FBXO25: variants seen among roughly 807,000 people sequenced by gnomAD.
FBXO25 encodes F-box only protein 25.
Under a neutral mutation model 51.9 loss-of-function variants are expected in FBXO25, and 45 were observed. That is an observed-to-expected ratio of 0.87 (90% CI 0.68 to 1.11). The LOEUF is 1.11. Among genes scored for constraint, FBXO25 ranks in the 50% most tolerant of loss-of-function variants. The pLI is 0.00. For missense variants in FBXO25, 507 were observed against 428.5 expected (o/e 1.18, Z -1.62); for synonymous variants, 199 against 151.0 (o/e 1.32, Z -2.33).
At position 468,970 on chromosome 8, in the gene FBXO25, C is replaced by T; in HGVS notation, c.*166C>T. ...AGGGGGGACTGCATGGTTGCATTTT[C>T]ATCACTGAAAGTCAGAGGCCAAGGA... On this transcript the variant is annotated 3_prime_UTR_variant, in exon 10 of 10. Transcript: ENST00000350302. 3 of 589,376 alleles carry T rather than the reference C, an allele frequency of 5.1e-6. No individual in the cohort carries two copies. Among genetic ancestry groups the T allele is most frequent in the South Asian group, 2.3e-5 (1 of 43,850 alleles). The allele number at this position is 589,376 out of a possible 1,614,324, so 36.5% of individuals were successfully genotyped here.
At chr8:432,011 T>A (rs897279695) in intron 3 of FBXO25, among the ~76,000 whole-genome samples, 41 of 152,338 alleles carry the variant, frequency 2.7e-4, no homozygotes, top group Admixed American at 9.8e-4. Context: ...TGGTTTTTTT[T>A]ATGTATATAC....
intron 5 of FBXO25, among the ~76,000 whole-genome samples, chr8:449,637 C>G (rs1455042370): frequency 6.6e-6 from 1 of 152,200 alleles, no homozygotes; most frequent in African/African-American, 2.4e-5. Context: ...ACCATTCATT[C>G]TAGCCTCTTT....
In FBXO25 at chr8:449,429, T is replaced by C. The variant is rs371823802; in HGVS notation, c.382-561T>C. Among the ~76,000 whole-genome samples the C allele has an allele frequency of 6.6e-5, 10 of 152,376 alleles. No homozygotes were observed. In the South Asian group the frequency reaches 1.2e-3, roughly 19 times the overall value. On this transcript the variant is annotated intron_variant, in intron 5 of 9. Transcript: ENST00000350302. The stretch of plus-strand genomic sequence containing the variant: ...CTGTGGCTTCCCAGAATACAAATTC[T>C]ACAATTTTGTATTTTAGTGCAATTT...
In FBXO25 at chr8:470,212, C is replaced by T. The variant is rs1446205905; in HGVS notation, c.*1408C>T. 1 of 152,114 alleles carries T rather than the reference C, an allele frequency of 6.6e-6. No homozygotes were observed. The highest frequency in any genetic ancestry group is 1.5e-5 in the Non-Finnish European group (1 of 68,032). The allele number at this position is 152,114 out of a possible 1,614,324, so 9.4% of individuals were successfully genotyped here. ...ATATTGGGGTTCCTGAGTGTCTCGC[C>T]GTTAGCATCAATAACTATGATAAGC... On this transcript the variant is annotated 3_prime_UTR_variant, in exon 10 of 10. Transcript: ENST00000350302.
chr8:472,504 C>A lies in FBXO25; in HGVS notation c.*3700C>A. The A allele has an allele frequency of 6.6e-6, 1 of 151,444 alleles. No individual in the cohort carries two copies. Among genetic ancestry groups the A allele is most frequent in the Non-Finnish European group, 1.5e-5 (1 of 67,974 alleles). 9.4% of individuals were successfully genotyped at this position (151,444 alleles called of 1,614,324 possible). ...TCCACGGGGGATTGGTTCCAAGACCCCCACCCCCACCCCACCTGCCACCCA... is the reference window on the plus strand; with the variant it reads ...TCCACGGGGGATTGGTTCCAAGACCACCACCCCCACCCCACCTGCCACCCA... On this transcript the variant is annotated 3_prime_UTR_variant, in exon 10 of 10. Coordinates refer to ENST00000350302, the MANE Select transcript of FBXO25 (RefSeq NM_183420.2).
chr8:451,123 G>C, intron 6 of FBXO25, 146 bp from the exon 7 acceptor site: 2 of 630,816 alleles, frequency 3.2e-6, no homozygotes, highest in Non-Finnish European at 5.2e-6. Flanking sequence ...CTCCTTTTTA[G>C]GGCTGAATAA....
intron 4 of FBXO25, among the ~76,000 whole-genome samples, chr8:433,620 T>G (rs1233344931): frequency 6.6e-6 from 1 of 152,216 alleles, no homozygotes; most frequent in Non-Finnish European, 1.5e-5. Flanking sequence ...TCAAGCTGTT[T>G]CCTGTTTCTT....
rs1563108188 is a variant in FBXO25 at position 477,324 on chromosome 8, G to GATT, written c.*8520_*8521insATT. ...CTGTCTTGCGACTGATCTTCTGTCT[G>GATT]GTTGTCCTATCCGTTACTGAAAGTG... On this transcript the variant is annotated 3_prime_UTR_variant, in exon 10 of 10. Coordinates refer to ENST00000350302, the MANE Select transcript of FBXO25 (RefSeq NM_183420.2). 4 of 152,174 alleles carry GATT rather than the reference G, an allele frequency of 2.6e-5. No homozygotes were observed. The highest frequency in any genetic ancestry group is 5.9e-5 in the Non-Finnish European group (4 of 68,044). The allele number at this position is 152,174 out of a possible 1,614,324, so 9.4% of individuals were successfully genotyped here. A position where few individuals can be genotyped will look rare whatever the true frequency, so the allele number is the denominator to read the frequency against.
chr8:426,779 G>A (rs1437219452), intron 2 of FBXO25, among the ~76,000 whole-genome samples: 61 of 141,140 alleles, frequency 4.3e-4, no homozygotes, highest in East Asian at 2.1e-3. Context: ...TCCCTGCGGA[G>A]TGAGATGGGC....
chr8:477,322 C>G lies in FBXO25; in HGVS notation c.*8518C>G, dbSNP rs896842532. On this transcript the variant is annotated 3_prime_UTR_variant, in exon 10 of 10. Transcript: ENST00000350302. ...TTCTGTCTTGCGACTGATCTTCTGT[C>G]TGGTTGTCCTATCCGTTACTGAAAG... 2.6e-5 allele frequency: 4 copies of G among 152,210 alleles called. No individual in the cohort carries two copies. The highest frequency in any genetic ancestry group is 9.7e-5 in the African/African-American group (4 of 41,448). 9.4% of individuals were successfully genotyped at this position (152,210 alleles called of 1,614,324 possible). A position where few individuals can be genotyped will look rare whatever the true frequency, so the allele number is the denominator to read the frequency against.
intron 7 of FBXO25, among the ~76,000 whole-genome samples, chr8:454,443 G>T (rs1048029882): frequency 6.6e-6 from 1 of 152,178 alleles, no homozygotes; most frequent in East Asian, 1.9e-4. Context: ...GGGACACATG[G>T]ATCAGCAGGC....
At chr8:446,041 C>G (rs778106758) in intron 5 of FBXO25, among the ~76,000 whole-genome samples, 18 of 151,956 alleles carry the variant, frequency 1.2e-4, no homozygotes, top group Non-Finnish European at 2.5e-4. Flanking sequence ...CTCCTGGTGT[C>G]TGGTGGGATG....
chr8:444,980 A>G (rs17738097), intron 5 of FBXO25, among the ~76,000 whole-genome samples: 6,417 of 152,256 alleles, frequency 0.042, 197 homozygotes, highest in Middle Eastern at 0.071. Context: ...ACTTCCTACA[A>G]TATTTGTGTT....
chr8:450,312 A>G (rs752344097), intron 6 of FBXO25, among the ~76,000 whole-genome samples: 3 of 152,346 alleles, frequency 2.0e-5, no homozygotes, highest in South Asian at 4.1e-4. Flanking sequence ...ATTAGGAAAA[A>G]TAACTAATCA....
At chr8:434,052 A>C (rs1320859571) in intron 4 of FBXO25, among the ~76,000 whole-genome samples, 2 of 152,220 alleles carry the variant, frequency 1.3e-5, no homozygotes, top group Non-Finnish European at 2.9e-5. Context: ...TATGCAGGAA[A>C]GGAGGATCTT....
intron 6 of FBXO25, among the ~76,000 whole-genome samples, chr8:450,296 G>T (rs914498664): frequency 2.6e-5 from 4 of 152,158 alleles, no homozygotes; most frequent in Non-Finnish European, 5.9e-5. Context: ...GCATACAAAT[G>T]GATATATTAG....
At chr8:429,255 G>C (rs1797677636) in intron 2 of FBXO25, among the ~76,000 whole-genome samples, 1 of 152,112 alleles carries the variant, frequency 6.6e-6, no homozygotes. Context: ...GCGTGAGGTA[G>C]TATCTCATCG....
chr8:433,905 A>T (rs1797958676), intron 4 of FBXO25, among the ~76,000 whole-genome samples: 1 of 152,226 alleles, frequency 6.6e-6, no homozygotes, highest in East Asian at 1.9e-4. Context: ...ACTCGAATAC[A>T]CCATTAGACG....
At chr8:430,443 CT>C (rs960106579) in intron 2 of FBXO25, among the ~76,000 whole-genome samples, 51 of 144,890 alleles carry the variant, frequency 3.5e-4, no homozygotes, top group South Asian at 6.6e-4. Context: ...GCAAAGTCAG[CT>C]TTTTTTTTTT....
Sources: gnomAD v4.1 joint callset for allele counts (sites outside exome capture counted in the v4.1 genomes callset) on GRCh38, gnomAD v4.1.1 for gene constraint, MANE v1.5 for transcripts, NCBI Gene and HGNC (gene_info 2026-07-23, HGNC 2026-07-21) for gene names.